The following DPP10 variants were observed in gnomAD, a reference collection of about 807,000 sequenced individuals.
DPP10 encodes dipeptidyl peptidase like 10.
In DPP10, 33 loss-of-function variants were observed where a neutral mutation model predicts 120.9. The observed-to-expected ratio is 0.27, with a 90% CI of 0.21 to 0.37. The LOEUF (loss-of-function observed/expected upper bound fraction) is 0.37, where lower values mean the gene tolerates loss of function less well. Ranked by LOEUF, DPP10 falls within the 10% of genes least tolerant of loss-of-function variation. The pLI is 1.00. For synonymous variants in DPP10, 337 were observed against 326.1 expected (o/e 1.03, Z -0.36); for missense variants, 816 against 942.8 (o/e 0.87, Z 1.76).
At chr2:115,440,359 A>G (rs964235878) in intron 3 of DPP10, among the ~76,000 whole-genome samples, 11 of 152,070 alleles carry the variant, frequency 7.2e-5, no homozygotes, top group African/African-American at 2.7e-4. Flanking sequence ...AGCCATGCAG[A>G]GCTGCATTTA....
At chr2:114,593,644 A>G (rs1426332353) in intron 1 of DPP10, among the ~76,000 whole-genome samples, 1 of 152,084 alleles carries the variant, frequency 6.6e-6, no homozygotes, top group Non-Finnish European at 1.5e-5. Flanking sequence ...ATTTATGGGG[A>G]TACAATGTGA....
intron 1 of DPP10, among the ~76,000 whole-genome samples, chr2:114,504,408 T>A (rs1255861258): frequency 6.6e-6 from 1 of 152,158 alleles, no homozygotes; most frequent in Non-Finnish European, 1.5e-5. Context: ...CTCCACTTGA[T>A]CTCATGTTAA....
chr2:114,933,485 T>A (rs1696233453), intron 1 of DPP10, among the ~76,000 whole-genome samples: 1 of 152,182 alleles, frequency 6.6e-6, no homozygotes, highest in African/African-American at 2.4e-5. Context: ...CATTAGAAGC[T>A]GAATGCAAAA....
chr2:115,738,415 CATT>C (rs1417317734), intron 8 of DPP10, among the ~76,000 whole-genome samples: 1 of 152,066 alleles, frequency 6.6e-6, no homozygotes, highest in Non-Finnish European at 1.5e-5. Flanking sequence ...TTTACATCAT[CATT>C]GTTGTAGCAA....
chr2:114,960,139 A>T (rs1055915344), intron 1 of DPP10, among the ~76,000 whole-genome samples: 15 of 152,202 alleles, frequency 9.9e-5, no homozygotes, highest in African/African-American at 3.4e-4. Context: ...ATTTAAAAAT[A>T]CATAATTTCA....
At chr2:115,828,814 T>C (rs1470715539) in intron 21 of DPP10, among the ~76,000 whole-genome samples, 1 of 152,180 alleles carries the variant, frequency 6.6e-6, no homozygotes, top group African/African-American at 2.4e-5. Flanking sequence ...AACTTTTAAA[T>C]AAAATAAATT....
chr2:114,452,900 A>T (rs1207753335), intron 1 of DPP10, among the ~76,000 whole-genome samples: 1 of 152,102 alleles, frequency 6.6e-6, no homozygotes, highest in Non-Finnish European at 1.5e-5. Flanking sequence ...AGACATGACA[A>T]CTGACAATGT....
At chr2:115,376,702 T>TC (rs1032016707) in intron 3 of DPP10, among the ~76,000 whole-genome samples, 4 of 93,258 alleles carry the variant, frequency 4.3e-5, no homozygotes, top group Non-Finnish European at 6.3e-5. Context: ...CCATCCCCCC[T>TC]CCCCCCACCC....
chr2:115,013,456 C>G (rs1185636341), intron 1 of DPP10, among the ~76,000 whole-genome samples: 1 of 151,926 alleles, frequency 6.6e-6, no homozygotes, highest in Non-Finnish European at 1.5e-5. Context: ...CTTGGTGAAT[C>G]TGATGGTTAT....
At chr2:115,225,141 C>T (rs2057370398) in intron 1 of DPP10, among the ~76,000 whole-genome samples, 1 of 151,982 alleles carries the variant, frequency 6.6e-6, no homozygotes, top group South Asian at 2.1e-4. Flanking sequence ...ATTCTTAAGG[C>T]ATTTGTGGGG....
intron 1 of DPP10, among the ~76,000 whole-genome samples, chr2:115,165,155 T>TC (rs2052740381): frequency 6.6e-6 from 1 of 152,242 alleles, no homozygotes; most frequent in Admixed American, 6.5e-5. Flanking sequence ...TCCTGAATGC[T>TC]TGCCACAGGC....
At chr2:115,665,737 T>G (rs1250129074) in intron 5 of DPP10, among the ~76,000 whole-genome samples, 8 of 152,192 alleles carry the variant, frequency 5.3e-5, no homozygotes, top group Non-Finnish European at 5.9e-5. Context: ...CTAATACTTC[T>G]TCTCTTTGTA....
In DPP10 at chr2:115,106,710, C is replaced by A. The variant is rs145745689; in HGVS notation, c.61-202529C>A. Among the ~76,000 whole-genome samples, 338 of 152,212 alleles carry A rather than the reference C, an allele frequency of 2.2e-3. 1 individual carries two copies. Among genetic ancestry groups the A allele is most frequent in the African/African-American group, 7.6e-3 (317 of 41,532 alleles). On this transcript the variant is annotated intron_variant, in intron 1 of 25. Transcript: ENST00000410059. ...TCCTGAGCTCAAGCAATCCTTCCAC[C>A]CCAGCTTCCCAAAGTTCTGGGATTA...
chr2:115,396,096 C>G (rs1465003993), intron 3 of DPP10, among the ~76,000 whole-genome samples: 1 of 152,104 alleles, frequency 6.6e-6, no homozygotes, highest in East Asian at 1.9e-4. Flanking sequence ...CTTCCTGACC[C>G]AGACCATTGG....
intron 3 of DPP10, among the ~76,000 whole-genome samples, chr2:115,433,565 GAC>G (rs1246379372): frequency 1.3e-5 from 2 of 151,886 alleles, no homozygotes; most frequent in Non-Finnish European, 2.9e-5. Flanking sequence ...TTCTCTGTGT[GAC>G]ACAGTTTTTT....
chr2:115,612,088 T>C (rs1182255413), intron 5 of DPP10, among the ~76,000 whole-genome samples: 1 of 152,160 alleles, frequency 6.6e-6, no homozygotes, highest in Non-Finnish European at 1.5e-5. Context: ...TTGTGGCTCT[T>C]CTCTATGGCC....
At chr2:115,491,084 C>T (rs1032364730) in intron 3 of DPP10, among the ~76,000 whole-genome samples, 1 of 152,160 alleles carries the variant, frequency 6.6e-6, no homozygotes, top group Non-Finnish European at 1.5e-5. Context: ...CACCACTGTA[C>T]TCCAGCCTCC....
intron 3 of DPP10, among the ~76,000 whole-genome samples, chr2:115,382,101 C>A (rs2090802): frequency 2.0e-5 from 3 of 151,968 alleles, no homozygotes; most frequent in Non-Finnish European, 4.4e-5. Context: ...TGGAGCTTCC[C>A]GGCTGCTTTG....
At chr2:115,816,130 C>G (rs1190281621) in intron 21 of DPP10, among the ~76,000 whole-genome samples, 1 of 151,970 alleles carries the variant, frequency 6.6e-6, no homozygotes, top group East Asian at 1.9e-4. Context: ...AGAACAACAA[C>G]AGGACAAAAT....
Sources: gnomAD v4.1 joint callset for allele counts (sites outside exome capture counted in the v4.1 genomes callset) on GRCh38, gnomAD v4.1.1 for gene constraint, MANE v1.5 for transcripts, NCBI Gene and HGNC (gene_info 2026-07-23, HGNC 2026-07-21) for gene names.